The following JKAMP variants were observed in gnomAD, a reference collection of about 807,000 sequenced individuals.
JKAMP encodes the protein JNK1/MAPK8-associated membrane protein.
Under a neutral mutation model 40.2 loss-of-function variants are expected in JKAMP, and 20 were observed. The observed-to-expected ratio is 0.50, with a 90% CI of 0.35 to 0.72. JKAMP has a LOEUF of 0.72. Among genes scored for constraint, JKAMP ranks in the 30% least tolerant of loss-of-function variants. The probability of loss-of-function intolerance (pLI) is 0.01; values close to 1 mark genes in which losing one functional copy is unlikely to be tolerated. For missense variants in JKAMP, 276 were observed against 373.0 expected (o/e 0.74, Z 2.14); for synonymous variants, 138 against 131.6 (o/e 1.05, Z -0.33).
chr14:59,502,762 T>TGTTTTG lies in JKAMP; in HGVS notation c.718-1092_718-1091insGTTTTG, dbSNP rs1566583989. Among the ~76,000 whole-genome samples, 103 of 133,586 alleles carry TGTTTTG rather than the reference T, an allele frequency of 7.7e-4. 2 individuals carry two copies. The highest frequency in any genetic ancestry group is 2.6e-3 in the South Asian group (10 of 3,870). 87.6% of individuals were successfully genotyped at this position (133,586 alleles called of 152,430 possible). On this transcript the variant is annotated intron_variant, in intron 6 of 6. Transcript: ENST00000616435. Reference sequence around the variant, plus strand: ...TGAATAAAATGAGATTTTTTTTTTTTTTTTTTTTTTTCGGAGTCTCACTCT... The same window carrying TGTTTTG: ...TGAATAAAATGAGATTTTTTTTTTTTGTTTTGTTTTTTTTTTTCGGAGTCTCACTCT...
At chr14:59,496,960 CTTCCG>C (rs541911755) in intron 4 of JKAMP, among the ~76,000 whole-genome samples, 15,523 of 150,980 alleles carry the variant, frequency 0.1, 879 homozygotes, top group Middle Eastern at 0.12. Flanking sequence ...GGGCTAAGCA[CTTCCG>C]AAGGTTGTAG....
intron 6 of JKAMP, among the ~76,000 whole-genome samples, chr14:59,502,763 T>TTCTTTGTTTTTG (rs1566584009): frequency 7.5e-6 from 1 of 134,124 alleles, no homozygotes; most frequent in Non-Finnish European, 1.6e-5. Flanking sequence ...TTTTTTTTTT[T>TTCTTTGTTTTTG]TTTTTTTTTT....
rs1044372824 is a variant in JKAMP at position 59,504,364 on chromosome 14, C to T, written c.*292C>T. On this transcript the variant is annotated 3_prime_UTR_variant, in exon 7 of 7. Coordinates refer to ENST00000616435, the MANE Select transcript of JKAMP (RefSeq NM_016475.5). The stretch of plus-strand genomic sequence containing the variant: ...TGTTCTTTAGGGCAAAATCATGTTT[C>T]TGTGTACCTAGCAATGTGTTCCCAT... 1.7e-5 allele frequency: 6 copies of T among 344,442 alleles called. No individual in the cohort carries two copies. Among genetic ancestry groups the T allele is most frequent in the Non-Finnish European group, 2.6e-5 (5 of 190,032 alleles). 21.3% of individuals were successfully genotyped at this position (344,442 alleles called of 1,614,324 possible).
chr14:59,484,727 C>T (rs1165129826), intron 1 of JKAMP, 134 bp downstream of exon 1: 2 of 1,188,242 alleles, frequency 1.7e-6, no homozygotes, highest in Non-Finnish European at 2.4e-6. Flanking sequence ...CCCCGCCCGC[C>T]CTCGGGCCGG....
chr14:59,502,200 T>C (rs1377892955), intron 6 of JKAMP, among the ~76,000 whole-genome samples: 1 of 152,234 alleles, frequency 6.6e-6, no homozygotes, highest in Non-Finnish European at 1.5e-5. Context: ...GTAACTGTTA[T>C]ACATATTACA....
Position 59,505,294 on chromosome 14 carries a change from G to A in JKAMP, c.*1222G>A. The A allele has an allele frequency of 6.7e-7, 1 of 1,499,726 alleles. No homozygotes were observed. The highest frequency in any genetic ancestry group is 8.9e-7 in the Non-Finnish European group (1 of 1,121,652). 92.9% of individuals were successfully genotyped at this position (1,499,726 alleles called of 1,614,324 possible). On this transcript the variant is annotated 3_prime_UTR_variant, in exon 7 of 7. Coordinates refer to ENST00000616435, the MANE Select transcript of JKAMP (RefSeq NM_016475.5). ...TTTAACCACTGGGAAATGAACCCTTGTACGAATGTGTTTCTTCTTCTCTGT... is the reference window on the plus strand; with the variant it reads ...TTTAACCACTGGGAAATGAACCCTTATACGAATGTGTTTCTTCTTCTCTGT...
At chr14:59,484,762 G>A (rs1890391039) in intron 1 of JKAMP, 169 bp downstream of exon 1, 4 of 990,628 alleles carry the variant, frequency 4.0e-6, no homozygotes, top group African/African-American at 3.3e-5. Flanking sequence ...CGGGGTTGGG[G>A]TGGTCTGTCC....
At chr14:59,500,496 C>T (rs1203109971) in intron 5 of JKAMP, among the ~76,000 whole-genome samples, 1 of 152,076 alleles carries the variant, frequency 6.6e-6, no homozygotes, top group East Asian at 1.9e-4. Flanking sequence ...TATTACTGTA[C>T]TGTATTTAAA....
At chr14:59,499,876 G>C (rs756872439) in intron 5 of JKAMP, among the ~76,000 whole-genome samples, 9 of 152,172 alleles carry the variant, frequency 5.9e-5, no homozygotes, top group Non-Finnish European at 1.0e-4. Flanking sequence ...CTATTTCCCT[G>C]TTAGATTTGG....
chr14:59,497,130 A>T (rs1891511322), intron 4 of JKAMP, among the ~76,000 whole-genome samples: 1 of 152,042 alleles, frequency 6.6e-6, no homozygotes, highest in African/African-American at 2.4e-5. Flanking sequence ...TTACAAATTG[A>T]AAAATACCAC....
intron 6 of JKAMP, among the ~76,000 whole-genome samples, chr14:59,503,547 CTT>C (rs142675153): frequency 0.014 from 2,108 of 152,170 alleles, 31 homozygotes; most frequent in African/African-American, 0.041. Flanking sequence ...TAGTTCGTAT[CTT>C]TGAGAAGAAA....
At chr14:59,496,348 A>G (rs1891452225) in intron 4 of JKAMP, among the ~76,000 whole-genome samples, 1 of 151,616 alleles carries the variant, frequency 6.6e-6, no homozygotes, top group Non-Finnish European at 1.5e-5. Context: ...TCTAAGCATT[A>G]ATTACCCTCT....
At chr14:59,494,586 A>G (rs138491282) in intron 3 of JKAMP, among the ~76,000 whole-genome samples, 216 of 152,332 alleles carry the variant, frequency 1.4e-3, no homozygotes, top group African/African-American at 5.0e-3. Context: ...GGTTGCCTCT[A>G]AGGGAGAGAC....
chr14:59,500,252 G>T (rs1891771506), intron 5 of JKAMP, among the ~76,000 whole-genome samples: 1 of 152,090 alleles, frequency 6.6e-6, no homozygotes, highest in African/African-American at 2.4e-5. Context: ...GTTGGAATCA[G>T]GCCTGTATAG....
At chr14:59,496,085 G>A (rs1891420242) in intron 4 of JKAMP, among the ~76,000 whole-genome samples, 1 of 152,092 alleles carries the variant, frequency 6.6e-6, no homozygotes, top group East Asian at 1.9e-4. Context: ...TGTATTTTTA[G>A]TAGAGAGACG....
chr14:59,495,417 C>A (rs34744909), intron 4 of JKAMP, 193 bp downstream of exon 4: 200,020 of 555,766 alleles, frequency 0.36, 37,950 homozygotes, highest in African/African-American at 0.52. Flanking sequence ...GAATAATGAT[C>A]CTTATAAGGT....
At position 59,484,568 on chromosome 14, in the gene JKAMP, G is replaced by T; in HGVS notation, c.-22G>T. ...CAGATCCGCTGATCTAGTGCTTCTC[G>T]AAAAAAACCTTCAGGCGGCCCATGG... On this transcript the variant is annotated 5_prime_UTR_variant, in exon 1 of 7. It introduces an in-frame stop codon into an upstream open reading frame of the 5' UTR. Coordinates refer to ENST00000616435, the MANE Select transcript of JKAMP (RefSeq NM_016475.5). 1 of 1,572,192 alleles carries T rather than the reference G, an allele frequency of 6.4e-7. No individual in the cohort carries two copies. The highest frequency in any genetic ancestry group is 8.6e-7 in the Non-Finnish European group (1 of 1,159,000).
At chr14:59,487,100 G>A in intron 2 of JKAMP, 1 of 194,714 alleles carries the variant, frequency 5.1e-6, no homozygotes, top group Non-Finnish European at 1.0e-5. Context: ...CTACTCGGGA[G>A]GCTGAGACAG....
At chr14:59,484,809 G>A in intron 1 of JKAMP, 1 of 922,758 alleles carries the variant, frequency 1.1e-6, no homozygotes, top group Non-Finnish European at 1.6e-6. Flanking sequence ...TGTCTGCGGC[G>A]AAATGCCAGG....
Sources: allele counts gnomAD v4.1 joint callset (sites outside exome capture counted in the v4.1 genomes callset), GRCh38; gene constraint gnomAD v4.1.1; transcripts MANE v1.5; gene names NCBI Gene and HGNC (gene_info 2026-07-23, HGNC 2026-07-21).